Variants in EPB41L4B observed in about 807,000 individuals in gnomAD.
EPB41L4B encodes the protein erythrocyte membrane protein band 4.1 like 4B.
EPB41L4B carries 30 observed loss-of-function variants against 112.5 expected under a neutral mutation model. The ratio of observed to expected loss-of-function variants is 0.27; its 90% CI spans 0.20 to 0.36. The LOEUF is 0.36. Among genes scored for constraint, EPB41L4B ranks in the 10% least tolerant of loss-of-function variants. The pLI, the probability that EPB41L4B is intolerant of heterozygous loss-of-function variation, is 1.00. For synonymous variants in EPB41L4B, 408 were observed against 439.7 expected (o/e 0.93, Z 0.90); for missense variants, 1,024 against 1,133.3 (o/e 0.90, Z 1.38).
chr9:109,243,828 TC>T lies in EPB41L4B; in HGVS notation c.1345-147del, dbSNP rs140218839. Reference sequence around the variant, plus strand: ...AGACCCTGGCTAGGGGGTGGATGTTTCCCAGGACGATCACGTTTCCCCCTCT... The same window carrying T: ...AGACCCTGGCTAGGGGGTGGATGTTTCCAGGACGATCACGTTTCCCCCTCT... On this transcript the variant is annotated intron_variant, in intron 14 of 25. Transcript: ENST00000374566. The T allele has an allele frequency of 1.5e-3, 1,143 of 741,752 alleles. 10 individuals are homozygous for T. The African/African-American group carries it at 0.018, about 12-fold the overall frequency. 45.9% of individuals were successfully genotyped at this position (741,752 alleles called of 1,614,324 possible).
intron 14 of EPB41L4B, among the ~76,000 whole-genome samples, chr9:109,244,392 G>A (rs1834465957): frequency 1.4e-5 from 2 of 144,128 alleles, no homozygotes; most frequent in Non-Finnish European, 3.0e-5. Context: ...GGGAAGGGAA[G>A]GAAGAAAGAG....
At chr9:109,271,290 G>C (rs943515273) in intron 2 of EPB41L4B, among the ~76,000 whole-genome samples, 3 of 152,226 alleles carry the variant, frequency 2.0e-5, no homozygotes, top group Non-Finnish European at 4.4e-5. Context: ...GACCTGCCAG[G>C]ATAGATGCCT....
chr9:109,240,484 C>T (rs1834316180), intron 15 of EPB41L4B: 2 of 985,046 alleles, frequency 2.0e-6, no homozygotes, highest in Non-Finnish European at 2.4e-6. Context: ...ATTACATATA[C>T]AAAAATGGCA....
At chr9:109,243,212 C>CAAAAAAAAA (rs58092749) in intron 15 of EPB41L4B, among the ~76,000 whole-genome samples, 1 of 52,284 alleles carries the variant, frequency 1.9e-5, no homozygotes, top group Non-Finnish European at 3.1e-5. Flanking sequence ...CCCACCCCCG[C>CAAAAAAAAA]AAAAAAAAAA....
intron 6 of EPB41L4B, among the ~76,000 whole-genome samples, chr9:109,261,180 C>T (rs1835189419): frequency 6.6e-6 from 1 of 152,108 alleles, no homozygotes; most frequent in South Asian, 2.1e-4. Context: ...TAGCACTTGC[C>T]ATAAAGACTG....
chr9:109,195,201 C>T (rs1413977324), intron 20 of EPB41L4B, among the ~76,000 whole-genome samples: 1 of 152,112 alleles, frequency 6.6e-6, no homozygotes, highest in Non-Finnish European at 1.5e-5. Flanking sequence ...CTGGAGCCAC[C>T]CTTGCATAGG....
intron 22 of EPB41L4B, among the ~76,000 whole-genome samples, chr9:109,188,990 C>A (rs1408610508): frequency 3.3e-5 from 5 of 152,152 alleles, no homozygotes; most frequent in Non-Finnish European, 7.4e-5. Flanking sequence ...CTAGGGTGAA[C>A]ATCACTAATG....
chr9:109,185,465 C>T, intron 23 of EPB41L4B, 24 bp downstream of exon 23: 1 of 1,603,812 alleles, frequency 6.2e-7, no homozygotes, highest in Non-Finnish European at 8.5e-7. Flanking sequence ...CTGGCCAGGC[C>T]CCTCTCCCTG....
At chr9:109,237,971 C>T (rs188551849) in intron 15 of EPB41L4B, among the ~76,000 whole-genome samples, 53 of 152,142 alleles carry the variant, frequency 3.5e-4, no homozygotes, top group African/African-American at 1.3e-3. Context: ...TCAACATCAT[C>T]TAGCAGTCTC....
rs187557250 is a variant in EPB41L4B at position 109,235,618 on chromosome 9, G to A, written c.1409+8000C>T. On this transcript the variant is annotated intron_variant, in intron 15 of 25. Transcript: ENST00000374566. ...TCACCATGTTGGCCAGGCTGGTCAC[G>A]AACTCCTGACCTTGAATGATCCACC... is the stretch of plus-strand genomic sequence containing the variant. Among the ~76,000 whole-genome samples the A allele has an allele frequency of 2.2e-4, 34 of 151,622 alleles. No homozygotes were observed. The East Asian group carries it at 6.0e-3, about 27-fold the overall frequency.
intron 16 of EPB41L4B, among the ~76,000 whole-genome samples, chr9:109,214,940 T>C (rs184240214): frequency 1.3e-5 from 2 of 152,238 alleles, no homozygotes; most frequent in East Asian, 3.9e-4. Flanking sequence ...GCTGTTATGG[T>C]TATTTAGATA....
At chr9:109,236,730 CAT>C (rs1474044966) in intron 15 of EPB41L4B, among the ~76,000 whole-genome samples, 1 of 152,168 alleles carries the variant, frequency 6.6e-6, no homozygotes, top group Non-Finnish European at 1.5e-5. Flanking sequence ...GTCCATTTTA[CAT>C]GTTTGTCTTT....
chr9:109,287,877 C>G (rs1464478900), intron 1 of EPB41L4B, among the ~76,000 whole-genome samples: 3 of 152,188 alleles, frequency 2.0e-5, no homozygotes, highest in Non-Finnish European at 4.4e-5. Flanking sequence ...GCTGGGATTA[C>G]AGGTGTGAGC....
At chr9:109,222,121 A>G (rs976146508) in intron 15 of EPB41L4B, among the ~76,000 whole-genome samples, 29 of 152,204 alleles carry the variant, frequency 1.9e-4, no homozygotes, top group African/African-American at 6.8e-4. Context: ...AAAGATATAT[A>G]TGCAGGGAGT....
chr9:109,213,265 G>C (rs570079832), intron 17 of EPB41L4B, among the ~76,000 whole-genome samples: 1 of 152,194 alleles, frequency 6.6e-6, no homozygotes, highest in African/African-American at 2.4e-5. Flanking sequence ...AGTCAAAAGG[G>C]GGCCTGGCTT....
intron 5 of EPB41L4B, among the ~76,000 whole-genome samples, chr9:109,264,069 T>TA (rs1229740743): frequency 6.6e-6 from 1 of 151,144 alleles, no homozygotes; most frequent in Admixed American, 6.6e-5. Flanking sequence ...GAGAGAGGAT[T>TA]AAAAAAAAGT....
chr9:109,205,198 G>A (rs951762026), intron 18 of EPB41L4B, among the ~76,000 whole-genome samples: 1 of 152,226 alleles, frequency 6.6e-6, no homozygotes, highest in African/African-American at 2.4e-5. Flanking sequence ...TGTGGGGCTT[G>A]TGTTCCTTAT....
intron 15 of EPB41L4B, among the ~76,000 whole-genome samples, chr9:109,231,293 G>C (rs1245248959): frequency 6.6e-6 from 1 of 151,942 alleles, no homozygotes; most frequent in African/African-American, 2.4e-5. Context: ...AAGCAATTCT[G>C]ATGCTAGCAC....
At position 109,192,212 on chromosome 9, in the gene EPB41L4B, C is replaced by T. The variant is rs796562069; in HGVS notation, c.2301+66G>A. 1.4e-5 allele frequency: 18 copies of T among 1,292,292 alleles called. No individual in the cohort carries two copies. The African/African-American group carries it at 1.8e-4, about 13-fold the overall frequency. 80.1% of individuals were successfully genotyped at this position (1,292,292 alleles called of 1,614,324 possible). Reference sequence around the variant, plus strand: ...ACAGCAATGCCCACCTCTGTCCATCCGTCCCACTGCCAAGATGTTTCTATG... The same window carrying T: ...ACAGCAATGCCCACCTCTGTCCATCTGTCCCACTGCCAAGATGTTTCTATG... On this transcript the variant is annotated intron_variant, in intron 22 of 25. Transcript: ENST00000374566.
Sources: allele counts gnomAD v4.1 joint callset (sites outside exome capture counted in the v4.1 genomes callset), GRCh38; gene constraint gnomAD v4.1.1; transcripts MANE v1.5; gene names NCBI Gene and HGNC (gene_info 2026-07-23, HGNC 2026-07-21).